The following NRXN1 variants were observed in gnomAD, a reference collection of about 807,000 sequenced individuals.
NRXN1 encodes neurexin 1, also known as neurexin-1.
Under a neutral mutation model 150.9 loss-of-function variants are expected in NRXN1, and 39 were observed. That is an observed-to-expected ratio of 0.26 (90% confidence interval 0.20 to 0.34). The LOEUF (loss-of-function observed/expected upper bound fraction) is 0.34, where lower values mean the gene tolerates loss of function less well. Among genes scored for constraint, NRXN1 ranks in the 10% least tolerant of loss-of-function variants. The pLI, the probability that NRXN1 is intolerant of heterozygous loss-of-function variation, is 1.00. For missense variants in NRXN1, 1,815 were observed against 1,949.9 expected (o/e 0.93, Z 1.30); for synonymous variants, 924 against 757.0 (o/e 1.22, Z -3.62).
At chr2:50,534,249 C>T (rs13386077) in intron 10 of NRXN1, among the ~76,000 whole-genome samples, 1 of 151,968 alleles carries the variant, frequency 6.6e-6, no homozygotes, top group Non-Finnish European at 1.5e-5. Flanking sequence ...TGTGCATGAA[C>T]GAAATATGTA....
At position 50,389,646 on chromosome 2, in the gene NRXN1, T is replaced by C. The variant is rs1304287305; in HGVS notation, c.3364+75796A>G. ...AACTACATTAGGTTCTCCTATAATCTTTTCTTGGTTTGAAGCATCTTCGAT... is the reference window on the plus strand; with the variant it reads ...AACTACATTAGGTTCTCCTATAATCCTTTCTTGGTTTGAAGCATCTTCGAT... On this transcript the variant is annotated intron_variant, in intron 17 of 22. Transcript: ENST00000401669. Among the ~76,000 whole-genome samples, 4 of 152,132 alleles carry C rather than the reference T, an allele frequency of 2.6e-5. No individual in the cohort carries two copies. The East Asian group carries it at 7.7e-4, about 29-fold the overall frequency.
chr2:50,499,747 A>G (rs2091846581), intron 13 of NRXN1, among the ~76,000 whole-genome samples: 1 of 152,148 alleles, frequency 6.6e-6, no homozygotes, highest in African/African-American at 2.4e-5. Context: ...CAGGAGTTTG[A>G]GACCAGCCTG....
chr2:50,208,557 G>A (rs1487922138), intron 18 of NRXN1, among the ~76,000 whole-genome samples: 9 of 151,986 alleles, frequency 5.9e-5, no homozygotes, highest in Admixed American at 4.6e-4. Context: ...TCCATTTCTC[G>A]GATTATTTTG....
chr2:50,940,758 C>T (rs180861186), intron 2 of NRXN1, among the ~76,000 whole-genome samples: 2 of 152,036 alleles, frequency 1.3e-5, no homozygotes, highest in East Asian at 3.9e-4. Context: ...TTTTGTTTTG[C>T]TAATAGACTC....
intron 22 of NRXN1, among the ~76,000 whole-genome samples, chr2:49,936,565 GT>G (rs1475699653): frequency 6.6e-6 from 1 of 152,196 alleles, no homozygotes; most frequent in East Asian, 1.9e-4. Flanking sequence ...AAACTACTAA[GT>G]AAATTTCCCA....
intron 13 of NRXN1, among the ~76,000 whole-genome samples, chr2:50,500,325 C>G (rs934594209): frequency 6.6e-6 from 1 of 151,720 alleles, no homozygotes; most frequent in Non-Finnish European, 1.5e-5. Context: ...AGCATTGAAG[C>G]AACTATGGCC....
At chr2:50,148,906 A>G (rs1450332309) in intron 18 of NRXN1, among the ~76,000 whole-genome samples, 1 of 151,790 alleles carries the variant, frequency 6.6e-6, no homozygotes, top group Non-Finnish European at 1.5e-5. Context: ...GACAACATCT[A>G]CATCTACCTT....
intron 19 of NRXN1, among the ~76,000 whole-genome samples, chr2:50,082,460 T>C (rs961525235): frequency 2.6e-5 from 4 of 152,202 alleles, no homozygotes; most frequent in Admixed American, 2.6e-4. Flanking sequence ...CTGCTATTTG[T>C]ATATTACAAC....
At chr2:50,443,180 T>G (rs2086111922) in intron 17 of NRXN1, among the ~76,000 whole-genome samples, 1 of 152,098 alleles carries the variant, frequency 6.6e-6, no homozygotes, top group South Asian at 2.1e-4. Context: ...GTTTGTAAGA[T>G]TAGTACAATC....
chr2:51,012,222 C>CT lies in NRXN1; in HGVS notation c.772+15279dup, dbSNP rs201101780. Among the ~76,000 whole-genome samples, 96 of 152,012 alleles carry CT rather than the reference C, an allele frequency of 6.3e-4. 1 individual carries two copies. The highest frequency in any genetic ancestry group is 2.0e-3 in the African/African-American group (85 of 41,514). ...AACTCAGTATTTATTAATCTAAAGT[C>CT]TTTTTTTAAAAAAACTTAGCCTCTA... On this transcript the variant is annotated intron_variant, in intron 2 of 22. Transcript: ENST00000401669.
intron 21 of NRXN1, among the ~76,000 whole-genome samples, chr2:49,999,226 G>A (rs1027210635): frequency 6.6e-6 from 1 of 152,088 alleles, no homozygotes; most frequent in African/African-American, 2.4e-5. Flanking sequence ...TTTTGAGGGA[G>A]TGATTGGCTA....
chr2:50,386,975 G>A (rs1369505366), intron 17 of NRXN1, among the ~76,000 whole-genome samples: 1 of 152,148 alleles, frequency 6.6e-6, no homozygotes, highest in African/African-American at 2.4e-5. Flanking sequence ...AGAACAAGCT[G>A]AGTGATCTAG....
intron 18 of NRXN1, among the ~76,000 whole-genome samples, chr2:50,110,615 G>A (rs1355150626): frequency 6.6e-6 from 1 of 152,002 alleles, no homozygotes; most frequent in African/African-American, 2.4e-5. Flanking sequence ...TGTGGGGTGT[G>A]TGTGCGTATG....
intron 21 of NRXN1, among the ~76,000 whole-genome samples, chr2:50,013,529 C>T (rs1686060093): frequency 6.6e-6 from 1 of 151,942 alleles, no homozygotes; most frequent in African/African-American, 2.4e-5. Context: ...GATGTAGTTG[C>T]AGGAAATAAG....
chr2:50,426,612 A>C (rs1382419174), intron 17 of NRXN1, among the ~76,000 whole-genome samples: 6 of 152,140 alleles, frequency 3.9e-5, no homozygotes. Flanking sequence ...TTCCACATCT[A>C]ATGTACCAAT....
intron 1 of NRXN1, 123 bp from the exon 2 acceptor site, chr2:51,029,317 G>C (rs192934229): frequency 3.9e-5 from 6 of 152,306 alleles, no homozygotes; most frequent in Admixed American, 3.9e-4. Context: ...TAACCTTCTT[G>C]TATGGAGCTT....
At chr2:49,941,855 G>T (rs1672030507) in intron 22 of NRXN1, among the ~76,000 whole-genome samples, 1 of 152,108 alleles carries the variant, frequency 6.6e-6, no homozygotes, top group African/African-American at 2.4e-5. Flanking sequence ...ATAGAAAAAA[G>T]AATGTCCTGG....
At chr2:50,104,740 A>C (rs544804626) in intron 18 of NRXN1, among the ~76,000 whole-genome samples, 10 of 152,188 alleles carry the variant, frequency 6.6e-5, no homozygotes, top group African/African-American at 2.4e-4. Flanking sequence ...TTTTTCAAGC[A>C]GTCCAATTCC....
At chr2:50,810,932 A>T (rs1668132576) in intron 5 of NRXN1, among the ~76,000 whole-genome samples, 1 of 152,044 alleles carries the variant, frequency 6.6e-6, no homozygotes, top group Non-Finnish European at 1.5e-5. Flanking sequence ...GTGAGCTGAG[A>T]TCACACCACT....
Sources: allele counts gnomAD v4.1 joint callset (sites outside exome capture counted in the v4.1 genomes callset), GRCh38; gene constraint gnomAD v4.1.1; transcripts MANE v1.5; gene names NCBI Gene and HGNC (gene_info 2026-07-23, HGNC 2026-07-21).